The following CSTPP1 variants were observed in gnomAD, a reference collection of about 807,000 sequenced individuals.
CSTPP1 encodes UPF0705 protein C11orf49.
At chr11:47,161,274 A>G in the CSTPP1 span, 3 of 1,609,380 alleles carry the variant, frequency 1.9e-6, no homozygotes, top group Non-Finnish European at 2.5e-6. Flanking sequence ...GGCCAACACC[A>G]CTTGTCTGTA....
chr11:46,990,923 A>G, the CSTPP1 span, among the ~76,000 whole-genome samples: 1 of 152,168 alleles, frequency 6.6e-6, no homozygotes, highest in Non-Finnish European at 1.5e-5. Flanking sequence ...AGCCTTGTCA[A>G]AGATAAGATT....
At chr11:47,087,244 A>C in the CSTPP1 span, among the ~76,000 whole-genome samples, 1 of 152,216 alleles carries the variant, frequency 6.6e-6, no homozygotes, top group African/African-American at 2.4e-5. Context: ...TGAAAAAAAC[A>C]GAACCTAAAA....
At chr11:47,038,104 T>G in the CSTPP1 span, among the ~76,000 whole-genome samples, 630 of 47,640 alleles carry the variant, frequency 0.013, 6 homozygotes, top group South Asian at 0.033. Context: ...GGCGGGGGGC[T>G]GACCCCCCCA....
At chr11:47,129,421 G>A in the CSTPP1 span, among the ~76,000 whole-genome samples, 2 of 152,160 alleles carry the variant, frequency 1.3e-5, no homozygotes, top group South Asian at 2.1e-4. Context: ...TAGCCCCGTT[G>A]CTACTAGAGA....
At chr11:46,953,129 C>T in the CSTPP1 span, among the ~76,000 whole-genome samples, 14 of 152,112 alleles carry the variant, frequency 9.2e-5, no homozygotes, top group East Asian at 1.6e-3. Context: ...AAAGAAGATA[C>T]GGGCTGCAAG....
chr11:46,992,418 G>A, the CSTPP1 span, among the ~76,000 whole-genome samples: 1 of 121,490 alleles, frequency 8.2e-6, no homozygotes, highest in Non-Finnish European at 1.6e-5. Flanking sequence ...GCCCCAGTGT[G>A]TGATGTTTCC....
chr11:47,157,263 T>C, the CSTPP1 span: 4 of 1,514,710 alleles, frequency 2.6e-6, no homozygotes, highest in Admixed American at 6.6e-5. Context: ...CCCCAGGGGG[T>C]CGGACTGCTG....
the CSTPP1 span, chr11:47,162,139 G>T: frequency 0.018 from 17,937 of 985,894 alleles, 193 homozygotes; most frequent in Middle Eastern, 0.021. Flanking sequence ...TATGAAGGGT[G>T]GGCCAGAAGA....
the CSTPP1 span, among the ~76,000 whole-genome samples, chr11:46,975,170 A>T: frequency 6.6e-6 from 1 of 150,932 alleles, no homozygotes; most frequent in Non-Finnish European, 1.5e-5. Flanking sequence ...CCAGCTGCTC[A>T]GGAGGCTGAG....
the CSTPP1 span, among the ~76,000 whole-genome samples, chr11:47,089,225 TAA>T: frequency 1.3e-5 from 2 of 152,120 alleles, no homozygotes; most frequent in African/African-American, 2.4e-5. Flanking sequence ...GTCGATTAAG[TAA>T]AAGAGTTGAT....
At chr11:47,158,041 C>G in the CSTPP1 span, 1 of 879,202 alleles carries the variant, frequency 1.1e-6, no homozygotes, top group Non-Finnish European at 1.8e-6. Context: ...CCTTGACTTC[C>G]CAGGGCCGGA....
At chr11:47,072,153 T>G in the CSTPP1 span, among the ~76,000 whole-genome samples, 1 of 152,206 alleles carries the variant, frequency 6.6e-6, no homozygotes, top group Admixed American at 6.5e-5. Context: ...GGTGCAAGGG[T>G]GCAGTCAGTC....
chr11:46,950,499 C>T, the CSTPP1 span, among the ~76,000 whole-genome samples: 11 of 151,692 alleles, frequency 7.3e-5, no homozygotes, highest in East Asian at 3.9e-4. Context: ...AATTCTAATC[C>T]CTTAGGCAGG....
the CSTPP1 span, among the ~76,000 whole-genome samples, chr11:47,005,962 A>G: frequency 6.6e-6 from 1 of 152,220 alleles, no homozygotes; most frequent in African/African-American, 2.4e-5. Context: ...CTAGGGATAT[A>G]GCAGTGAAAA....
At chr11:47,013,545 C>T in the CSTPP1 span, among the ~76,000 whole-genome samples, 1 of 152,124 alleles carries the variant, frequency 6.6e-6, no homozygotes, top group Non-Finnish European at 1.5e-5. Context: ...TAATGGCTTC[C>T]AGCTCCATCC....
chr11:47,019,152 C>T, the CSTPP1 span, among the ~76,000 whole-genome samples: 3 of 152,024 alleles, frequency 2.0e-5, no homozygotes, highest in African/African-American at 7.2e-5. Flanking sequence ...GGATTACAGG[C>T]GTGAGCCATC....
chr11:47,041,360 T>C, the CSTPP1 span: 1 of 248,212 alleles, frequency 4.0e-6, no homozygotes, highest in South Asian at 3.4e-5. Flanking sequence ...CTCAGGGCCC[T>C]TGAACTGTTT....
the CSTPP1 span, among the ~76,000 whole-genome samples, chr11:46,943,618 C>T: frequency 6.6e-6 from 1 of 152,240 alleles, no homozygotes; most frequent in Admixed American, 6.5e-5. Flanking sequence ...AAGATAACTT[C>T]TACCATTTGG....
At chr11:47,107,071 T>C in the CSTPP1 span, among the ~76,000 whole-genome samples, 7 of 152,188 alleles carry the variant, frequency 4.6e-5, no homozygotes, top group Non-Finnish European at 8.8e-5. Context: ...GCAAATTGCA[T>C]GCAGGGGAAG....
Sources: gnomAD v4.1 joint callset for allele counts (sites outside exome capture counted in the v4.1 genomes callset) on GRCh38, gnomAD v4.1.1 for gene constraint, MANE v1.5 for transcripts, NCBI Gene and HGNC (gene_info 2026-07-23, HGNC 2026-07-21) for gene names.